GRM7: variants seen among roughly 807,000 people sequenced by gnomAD.
GRM7 encodes metabotropic glutamate receptor 7.
In GRM7, 35 loss-of-function variants were observed where a neutral mutation model predicts 84.5. The observed-to-expected ratio is 0.41, with a 90% CI of 0.32 to 0.55. The LOEUF (loss-of-function observed/expected upper bound fraction) is 0.55, where lower values mean the gene tolerates loss of function less well. Among genes scored for constraint, GRM7 ranks in the 20% least tolerant of loss-of-function variants. The probability of loss-of-function intolerance (pLI) is 0.19; values close to 1 mark genes in which losing one functional copy is unlikely to be tolerated. For missense variants in GRM7, 1,003 were observed against 1,194.6 expected, an observed-to-expected ratio of 0.84 and a Z score of 2.36; for synonymous variants, 487 against 455.1, an observed-to-expected ratio of 1.07 and a Z score of -0.89.
intron 9 of GRM7, among the ~76,000 whole-genome samples, chr3:7,719,815 C>CACAA (rs1351413563): frequency 6.6e-6 from 1 of 150,678 alleles, no homozygotes; most frequent in Non-Finnish European, 1.5e-5. Flanking sequence ...CACACACACA[C>CACAA]ACACACACAC....
At chr3:7,580,312 T>C (rs1443267565) in intron 8 of GRM7, among the ~76,000 whole-genome samples, 1 of 152,190 alleles carries the variant, frequency 6.6e-6, no homozygotes, top group Non-Finnish European at 1.5e-5. Flanking sequence ...CTAACTGACA[T>C]ACTCTGCAAA....
intron 4 of GRM7, among the ~76,000 whole-genome samples, chr3:7,372,180 T>C (rs976050331): frequency 6.6e-6 from 1 of 152,016 alleles, no homozygotes; most frequent in Admixed American, 6.6e-5. Context: ...AGTTAAGAAA[T>C]AACTAGGGAA....
At chr3:7,639,617 C>A (rs899472131) in intron 8 of GRM7, among the ~76,000 whole-genome samples, 10 of 152,072 alleles carry the variant, frequency 6.6e-5, no homozygotes, top group Admixed American at 3.9e-4. Context: ...TTTCTCCTTC[C>A]TTTAAACTCC....
At chr3:7,006,415 A>G (rs531210170) in intron 1 of GRM7, among the ~76,000 whole-genome samples, 27 of 152,344 alleles carry the variant, frequency 1.8e-4, no homozygotes, top group Admixed American at 1.6e-3. Context: ...CCCACAGAGT[A>G]AATTCTTGTT....
chr3:7,494,371 T>C (rs1466102417), intron 7 of GRM7, among the ~76,000 whole-genome samples: 2 of 152,230 alleles, frequency 1.3e-5, no homozygotes, highest in Non-Finnish European at 2.9e-5. Flanking sequence ...TTGCATCATT[T>C]ATCTTTGCTT....
chr3:7,685,551 C>G (rs1206196389), intron 9 of GRM7, among the ~76,000 whole-genome samples: 1 of 152,010 alleles, frequency 6.6e-6, no homozygotes, highest in Non-Finnish European at 1.5e-5. Context: ...CATAGACTAC[C>G]TAAAAGACTG....
At chr3:7,230,623 A>C (rs1448704993) in intron 2 of GRM7, among the ~76,000 whole-genome samples, 10 of 152,334 alleles carry the variant, frequency 6.6e-5, no homozygotes, top group African/African-American at 1.4e-4. Context: ...ACTAGGGCAT[A>C]GATTAGAAGG....
intron 8 of GRM7, among the ~76,000 whole-genome samples, chr3:7,594,141 A>T (rs1695926559): frequency 6.6e-6 from 1 of 152,116 alleles, no homozygotes; most frequent in Non-Finnish European, 1.5e-5. Context: ...TGATGTGACT[A>T]TTCCAAGTCT....
At chr3:7,039,552 T>C (rs1170282026) in intron 1 of GRM7, among the ~76,000 whole-genome samples, 6 of 152,194 alleles carry the variant, frequency 3.9e-5, no homozygotes, top group Non-Finnish European at 7.3e-5. Context: ...CTTGTGAATA[T>C]GACAGTGTAT....
At chr3:7,291,315 C>A (rs762005340) in intron 2 of GRM7, among the ~76,000 whole-genome samples, 1 of 152,056 alleles carries the variant, frequency 6.6e-6, no homozygotes, top group Non-Finnish European at 1.5e-5. Flanking sequence ...TGGGTGCTAA[C>A]AGTATTTATT....
intron 7 of GRM7, among the ~76,000 whole-genome samples, chr3:7,509,573 A>G (rs1440005774): frequency 2.0e-5 from 3 of 152,210 alleles, no homozygotes; most frequent in African/African-American, 7.2e-5. Context: ...CCAATCTGAT[A>G]AGCCACTTCA....
At chr3:6,921,385 A>C (rs1697119247) in intron 1 of GRM7, among the ~76,000 whole-genome samples, 1 of 152,184 alleles carries the variant, frequency 6.6e-6, no homozygotes, top group South Asian at 2.1e-4. Context: ...GGCTGGTTTC[A>C]ATAAGCCAAG....
chr3:6,943,134 G>A (rs1312142644), intron 1 of GRM7, among the ~76,000 whole-genome samples: 1 of 151,854 alleles, frequency 6.6e-6, no homozygotes, highest in Non-Finnish European at 1.5e-5. Flanking sequence ...CACATACATT[G>A]AAGTTGTTTT....
intron 7 of GRM7, among the ~76,000 whole-genome samples, chr3:7,473,050 A>G (rs1276242756): frequency 2.0e-5 from 3 of 152,206 alleles, no homozygotes; most frequent in Admixed American, 6.5e-5. Context: ...GCGAAAGGCA[A>G]TGAAGCAGTA....
chr3:7,433,439 C>G (rs773549039), intron 5 of GRM7, among the ~76,000 whole-genome samples: 2 of 152,182 alleles, frequency 1.3e-5, no homozygotes, highest in African/African-American at 4.8e-5. Context: ...AATGTGTTGT[C>G]TACTAGCTGG....
chr3:6,960,401 A>G (rs1387405333), intron 1 of GRM7, among the ~76,000 whole-genome samples: 1 of 152,000 alleles, frequency 6.6e-6, no homozygotes, highest in African/African-American at 2.4e-5. Flanking sequence ...CCCCAACCCA[A>G]TCCAAATCAA....
At chr3:7,019,714 C>T (rs996730164) in intron 1 of GRM7, among the ~76,000 whole-genome samples, 3 of 152,184 alleles carry the variant, frequency 2.0e-5, no homozygotes, top group South Asian at 2.1e-4. Flanking sequence ...AAAGAGTAAC[C>T]TGTGATGTGA....
At chr3:7,617,833 G>T (rs1390648564) in intron 8 of GRM7, among the ~76,000 whole-genome samples, 3 of 152,072 alleles carry the variant, frequency 2.0e-5, no homozygotes. Flanking sequence ...AAAGAATAAG[G>T]TTTGTTTTTA....
At chr3:6,890,561 C>A (rs1011465454) in intron 1 of GRM7, among the ~76,000 whole-genome samples, 5 of 152,096 alleles carry the variant, frequency 3.3e-5, no homozygotes, top group South Asian at 2.1e-4. Context: ...TTTCTTAATC[C>A]TGAGTTCTAG....
Sources: allele counts gnomAD v4.1 joint callset (sites outside exome capture counted in the v4.1 genomes callset), GRCh38; gene constraint gnomAD v4.1.1; transcripts MANE v1.5; gene names NCBI Gene and HGNC (gene_info 2026-07-23, HGNC 2026-07-21).